The following CTNND2 variants were observed in gnomAD, a reference collection of about 807,000 sequenced individuals.
CTNND2 encodes catenin delta-2.
A neutral mutation model predicts 144.4 loss-of-function variants in CTNND2; 22 were observed. That is an observed-to-expected ratio of 0.15 (90% CI 0.11 to 0.22). The LOEUF is 0.22. Among genes scored for constraint, CTNND2 ranks in the 10% least tolerant of loss-of-function variants. CTNND2 has a pLI of 1.00. For synonymous variants in CTNND2, 751 were observed against 695.6 expected, an observed-to-expected ratio of 1.08 and a Z score of -1.25; for missense variants, 1,353 against 1,618.8, an observed-to-expected ratio of 0.84 and a Z score of 2.82.
intron 14 of CTNND2, among the ~76,000 whole-genome samples, chr5:11,099,154 T>G (rs1751638914): frequency 6.6e-6 from 1 of 152,220 alleles, no homozygotes; most frequent in Non-Finnish European, 1.5e-5. Flanking sequence ...GCATAATAGT[T>G]ACCAACAACA....
chr5:11,159,700 G>C lies in CTNND2; in HGVS notation c.2035C>G (p.Leu679Val). ...ATCACCGCGTTGGTCAGTACTGCTA[G>C]GGCATCCTGGATGATTGGCATTTTG... ...ALKMPIIQDA[L>V]AVLTNAVIIP... Residue 679 changes from leucine to valine, a missense_variant, in exon 12 of 22, where the codon CTA (leucine) becomes GTA (valine). By Grantham distance (32) the Leu-to-Val change is conservative (BLOSUM62 1). This residue lies in a region of CTNND2 where 117 missense variants were observed against 117.8 expected (regional missense o/e 0.99). Transcript: ENST00000304623. The C allele has an allele frequency of 6.2e-7, 1 of 1,611,818 alleles. No individual in the cohort carries two copies.
intron 10 of CTNND2, among the ~76,000 whole-genome samples, chr5:11,209,262 G>C (rs1281229369): frequency 6.6e-6 from 1 of 152,076 alleles, no homozygotes; most frequent in Admixed American, 6.5e-5. Flanking sequence ...CAATAAGGAG[G>C]AATACAAGGG....
chr5:11,904,435 G>A lies in CTNND2; in HGVS notation c.-582C>T, dbSNP rs1368550786. On this transcript the variant is annotated 5_prime_UTR_variant, in exon 1 of 22. Transcript: ENST00000304623. This position sits in a 1 kb window ranked among gnomAD's most constrained non-coding sequence, Gnocchi z 4.2. ...GAGCGTCCGCCCCGCCGCCGAAACCGGCCCCGGGTGCGGAGCATGCCCAGT... is the reference window on the plus strand; with the variant it reads ...GAGCGTCCGCCCCGCCGCCGAAACCAGCCCCGGGTGCGGAGCATGCCCAGT... Among the ~76,000 whole-genome samples, 1 of 151,834 alleles carries A rather than the reference G, an allele frequency of 6.6e-6. No individual in the cohort carries two copies.
chr5:11,752,022 G>A (rs1788652621), intron 1 of CTNND2, among the ~76,000 whole-genome samples: 1 of 151,788 alleles, frequency 6.6e-6, no homozygotes, highest in East Asian at 1.9e-4. Flanking sequence ...TTTGAAAAGT[G>A]TCTGTTCATG....
chr5:11,636,491 G>A (rs181029275), intron 2 of CTNND2, among the ~76,000 whole-genome samples: 151 of 152,260 alleles, frequency 9.9e-4, no homozygotes, highest in Admixed American at 1.6e-3. Flanking sequence ...TAAGGGTGGG[G>A]GAAGTCATCC....
At chr5:11,713,583 CAAA>C (rs1165519277) in intron 2 of CTNND2, among the ~76,000 whole-genome samples, 798 of 57,818 alleles carry the variant, frequency 0.014, 7 homozygotes, top group African/African-American at 0.043. Flanking sequence ...GACTCCATCT[CAAA>C]AAAAAAAAAA....
chr5:11,192,180 C>T (rs1030084321), intron 11 of CTNND2, among the ~76,000 whole-genome samples: 1 of 152,188 alleles, frequency 6.6e-6, no homozygotes, highest in African/African-American at 2.4e-5. Flanking sequence ...CAATGGGAAT[C>T]GAGGAATCTC....
Position 11,384,551 on chromosome 5 carries a change from A to G in CTNND2, c.1177+114T>C, listed in dbSNP as rs1288698060. ...CTGGCGTTCTCTGTCTCCTGCAACT[A>G]CTACAACCTGGCAGACAGCGCGCCC... is the stretch of plus-strand genomic sequence containing the variant. On this transcript the variant is annotated intron_variant, in intron 7 of 21. Transcript: ENST00000304623. The surrounding 1 kb of genome is among the most constrained non-coding windows in gnomAD (Gnocchi z 5.2). 5.4e-6 allele frequency: 5 copies of G among 928,168 alleles called. No individual in the cohort carries two copies. Among genetic ancestry groups the G allele is most frequent in the Non-Finnish European group, 7.9e-6 (5 of 633,836 alleles). 57.5% of individuals were successfully genotyped at this position (928,168 alleles called of 1,614,324 possible).
intron 2 of CTNND2, among the ~76,000 whole-genome samples, chr5:11,674,736 G>GTTGGTTGGTTGGTTGA (rs1784083550): frequency 6.6e-6 from 1 of 152,032 alleles, no homozygotes; most frequent in African/African-American, 2.4e-5. Flanking sequence ...TGGTTGGTTG[G>GTTGGTTGGTTGGTTGA]TTGGTTTTGA....
At chr5:11,008,928 C>G (rs908493593) in intron 18 of CTNND2, among the ~76,000 whole-genome samples, 2 of 152,172 alleles carry the variant, frequency 1.3e-5, no homozygotes, top group East Asian at 3.9e-4. Flanking sequence ...CGGGGCAATA[C>G]AGAGATTCAG....
chr5:11,250,599 C>T (rs1743525644), intron 9 of CTNND2, among the ~76,000 whole-genome samples: 1 of 149,064 alleles, frequency 6.7e-6, no homozygotes, highest in Non-Finnish European at 1.5e-5. Context: ...TCACTGTAGC[C>T]TTGAATTCCT....
At chr5:11,150,819 T>C (rs1757696510) in intron 12 of CTNND2, among the ~76,000 whole-genome samples, 1 of 152,060 alleles carries the variant, frequency 6.6e-6, no homozygotes, top group South Asian at 2.1e-4. Context: ...AGAGATGGGG[T>C]TTCACCATGT....
At chr5:11,311,113 A>AC (rs1454411156) in intron 9 of CTNND2, among the ~76,000 whole-genome samples, 4 of 140,172 alleles carry the variant, frequency 2.9e-5, no homozygotes, top group African/African-American at 1.1e-4. Context: ...CTCTCCATGC[A>AC]CCCTCACCTC....
At chr5:11,539,535 A>C (rs752133935) in intron 3 of CTNND2, among the ~76,000 whole-genome samples, 9 of 152,206 alleles carry the variant, frequency 5.9e-5, no homozygotes, top group Non-Finnish European at 5.9e-5. Flanking sequence ...TGTCTAGGAA[A>C]CCATTAATAC....
intron 12 of CTNND2, among the ~76,000 whole-genome samples, chr5:11,143,486 C>T (rs1756943565): frequency 1.3e-5 from 2 of 152,148 alleles, no homozygotes; most frequent in South Asian, 2.1e-4. Context: ...AGGAGCAGGA[C>T]CCTGATCTCT....
intron 1 of CTNND2, among the ~76,000 whole-genome samples, chr5:11,880,520 T>C (rs59140452): frequency 1.6e-4 from 11 of 70,710 alleles, no homozygotes; most frequent in East Asian, 1.3e-3. Context: ...CTACTACCAC[T>C]ACTACTACTA....
At chr5:11,583,453 A>G (rs1177530175) in intron 2 of CTNND2, among the ~76,000 whole-genome samples, 1 of 152,174 alleles carries the variant, frequency 6.6e-6, no homozygotes, top group Non-Finnish European at 1.5e-5. Context: ...TGAAGGAGGG[A>G]GGGTCAGCTT....
intron 3 of CTNND2, among the ~76,000 whole-genome samples, chr5:11,463,806 G>A (rs1334715153): frequency 6.7e-6 from 1 of 149,856 alleles, no homozygotes; most frequent in African/African-American, 2.5e-5. Context: ...AGGAGTCTAT[G>A]AACTACAGGT....
intron 12 of CTNND2, among the ~76,000 whole-genome samples, chr5:11,152,484 C>T (rs193058664): frequency 5.3e-5 from 8 of 152,304 alleles, no homozygotes; most frequent in African/African-American, 9.6e-5. Context: ...TAAGTGCGCC[C>T]TATGGTGTTT....
Sources: allele counts gnomAD v4.1 joint callset (sites outside exome capture counted in the v4.1 genomes callset), GRCh38; gene constraint gnomAD v4.1.1; regional missense constraint gnomAD v4.1.1; non-coding constraint Gnocchi (gnomAD v3.1); transcripts MANE v1.5; gene names NCBI Gene and HGNC (gene_info 2026-07-23, HGNC 2026-07-21).